Variants in ZNF394 observed in about 807,000 individuals in gnomAD.
ZNF394 encodes zinc finger protein 99.
In ZNF394, 19 loss-of-function variants were observed where a neutral mutation model predicts 21.8. That is an observed-to-expected ratio of 0.87 (90% CI 0.61 to 1.28). ZNF394 has a LOEUF of 1.28. ZNF394 is among the 50% of genes most tolerant of loss of function. The pLI, the probability that ZNF394 is intolerant of heterozygous loss-of-function variation, is 0.00. For synonymous variants in ZNF394, 294 were observed against 273.3 expected (o/e 1.08, Z -0.75); for missense variants, 683 against 708.6 (o/e 0.96, Z 0.41).
intron 2 of ZNF394, among the ~76,000 whole-genome samples, chr7:99,496,488 A>C (rs952397451): frequency 6.6e-6 from 1 of 152,160 alleles, no homozygotes; most frequent in African/African-American, 2.4e-5. Context: ...GCAGCAAGGC[A>C]GTGTGGCCAG....
chr7:99,490,811 G>C (rs543314435), downstream of ZNF394, among the ~76,000 whole-genome samples: 1 of 151,944 alleles, frequency 6.6e-6, no homozygotes. Context: ...CTCAGCCATA[G>C]AAAATGAACA....
Position 99,497,062 on chromosome 7 carries a change from GTATA to G in ZNF394, c.583+1650_583+1653del, listed in dbSNP as rs1284638502. 2.3e-4 allele frequency among the ~76,000 whole-genome samples: 33 copies of G among 140,724 alleles called. No individual in the cohort carries two copies. In the Admixed American group the frequency reaches 2.4e-3, roughly 10 times the overall value. 92.3% of individuals were successfully genotyped at this position (140,724 alleles called of 152,430 possible). Reference sequence around the variant, plus strand: ...AGTACCAAAGCCTATATATATATGTGTATATATATGTATATACATACATACGTGT... The same window carrying G: ...AGTACCAAAGCCTATATATATATGTGTATATGTATATACATACATACGTGT... On this transcript the variant is annotated intron_variant, in intron 2 of 2. Transcript: ENST00000337673.
chr7:99,497,425 C>G (rs1283107251), intron 2 of ZNF394, among the ~76,000 whole-genome samples: 1 of 151,588 alleles, frequency 6.6e-6, no homozygotes, highest in African/African-American at 2.4e-5. Context: ...CATGATCTGC[C>G]CGCCTCGGCC....
Position 99,500,216 on chromosome 7 carries a change from C to T in ZNF394, c.-123G>A. 3.4e-6 allele frequency: 3 copies of T among 870,654 alleles called. No individual in the cohort carries two copies. The highest frequency in any genetic ancestry group is 5.1e-6 in the Non-Finnish European group (3 of 588,512). 53.9% of individuals were successfully genotyped at this position (870,654 alleles called of 1,614,324 possible). A position where few individuals can be genotyped will look rare whatever the true frequency, so the allele number is the denominator to read the frequency against. On this transcript the variant is annotated 5_prime_UTR_variant, in exon 1 of 3. Transcript: ENST00000337673. Reference sequence around the variant, plus strand: ...AAACACCGGGCCCCACCACACCAGGCCCCTCTCCACACTCTCCTTTCCTCA... The same window carrying T: ...AAACACCGGGCCCCACCACACCAGGTCCCTCTCCACACTCTCCTTTCCTCA...
At chr7:99,487,283 A>T in intron 1 of ZNF394, 1 of 1,614,252 alleles carries the variant, frequency 6.2e-7, no homozygotes. Context: ...GATCTCATTC[A>T]GCATCAAAGA....
intron 1 of ZNF394, chr7:99,487,309 G>A: frequency 1.9e-6 from 3 of 1,614,234 alleles, no homozygotes; most frequent in East Asian, 4.5e-5. Flanking sequence ...TACAAAGGAG[G>A]AATTCTTTCA....
In ZNF394 at chr7:99,498,721, G is replaced by A. The variant is rs367965891; in HGVS notation, c.578C>T (p.Pro193Leu). Residue 193 changes from proline to leucine, a missense_variant, in exon 2 of 3, where the codon CCG becomes CTG. Transcript: ENST00000337673. ...AGCAGAGCAACAGCACTCACTCGGCGGAACTGTGCTCCCGGAATCCTTCTG... is the reference window on the plus strand; with the variant it reads ...AGCAGAGCAACAGCACTCACTCGGCAGAACTGTGCTCCCGGAATCCTTCTG... ...SAQKDSGSTV[P>L]PSLESRVENK... 3 of 1,613,830 alleles carry A rather than the reference G, an allele frequency of 1.9e-6. No individual in the cohort carries two copies. In the African/African-American group the frequency reaches 4.0e-5, roughly 22 times the overall value.
At chr7:99,497,460 G>A (rs1314629099) in intron 2 of ZNF394, among the ~76,000 whole-genome samples, 2 of 151,704 alleles carry the variant, frequency 1.3e-5, no homozygotes, top group African/African-American at 4.8e-5. Flanking sequence ...GATTACAGGC[G>A]TGAGCCACCG....
At chr7:99,498,561 G>A (rs1175311054) in intron 2 of ZNF394, 155 bp downstream of exon 2, 1 of 963,946 alleles carries the variant, frequency 1.0e-6, no homozygotes, top group Non-Finnish European at 1.5e-6. Context: ...GCTGAATCTA[G>A]CACCTAGCAG....
intron 2 of ZNF394, chr7:99,498,186 ATAGG>A (rs1286543845): frequency 1.3e-5 from 2 of 152,838 alleles, no homozygotes; most frequent in Non-Finnish European, 2.9e-5. Flanking sequence ...GGACCGTGAA[ATAGG>A]TAGAGCTCCA....
chr7:99,493,885 A>G lies in ZNF394; in HGVS notation c.1330T>C (p.Cys444Arg), dbSNP rs763665378. ...TGACAGGTTTCCCCGCATTCCTCAC[A>G]TTTAAAATGTTTGTCTCTACTGTGG... Reference protein sequence around the residue: ...STHSRDKHFKCEECGETCHIS... With the variant: ...STHSRDKHFKREECGETCHIS... The change falls in exon 3 of 3, where the codon TGT (cysteine) becomes CGT (arginine). Residue 444 changes from cysteine to arginine, a missense_variant. Cys to Arg is a radical substitution (Grantham distance 180). Coordinates refer to ENST00000337673, the MANE Select transcript of ZNF394 (RefSeq NM_032164.4). 6.2e-7 allele frequency: 1 copy of G among 1,614,226 alleles called. No individual in the cohort carries two copies. Among genetic ancestry groups the G allele is most frequent in the Non-Finnish European group, 8.5e-7 (1 of 1,180,046 alleles).
At chr7:99,487,193 T>A (rs1286710070) in intron 1 of ZNF394, 1 of 1,614,066 alleles carries the variant, frequency 6.2e-7, no homozygotes, top group Non-Finnish European at 8.5e-7. Context: ...CATTCAACCC[T>A]TCTATGTCAT....
chr7:99,491,372 T>C (rs1157462314), downstream of ZNF394, among the ~76,000 whole-genome samples: 1 of 152,188 alleles, frequency 6.6e-6, no homozygotes, highest in African/African-American at 2.4e-5. Context: ...AGAGCATCTT[T>C]TCTTATCATA....
chr7:99,500,266 T>C lies in ZNF394; in HGVS notation c.-173A>G. The C allele has an allele frequency of 1.7e-6, 1 of 586,396 alleles. No homozygotes were observed. The highest frequency in any genetic ancestry group is 3.0e-5 in the South Asian group (1 of 33,748). The allele number at this position is 586,396 out of a possible 1,614,324, so 36.3% of individuals were successfully genotyped here. Reference sequence around the variant, plus strand: ...AGCTTTGCGCCTACAACTCTCTCGGTCAAACAACCGAAAACATCCCGTGCC... The same window carrying C: ...AGCTTTGCGCCTACAACTCTCTCGGCCAAACAACCGAAAACATCCCGTGCC... On this transcript the variant is annotated 5_prime_UTR_variant, in exon 1 of 3. Transcript: ENST00000337673.
Position 99,498,860 on chromosome 7 carries a change from C to G in ZNF394, c.457-18G>C. 6.2e-7 allele frequency: 1 copy of G among 1,607,188 alleles called. No homozygotes were observed. Among genetic ancestry groups the G allele is most frequent in the South Asian group, 1.1e-5 (1 of 90,154 alleles). On this transcript the variant is annotated intron_variant, in intron 1 of 2. Transcript: ENST00000337673. ...ACCATCCCCTGGAACAACACAAGAG[C>G]CCCATTCAGTACCTGCTGTCCCTGT...
chr7:99,486,536 T>C, exon 2 of ZNF394: 2 of 1,614,084 alleles, frequency 1.2e-6, no homozygotes, highest in Non-Finnish European at 1.7e-6. Flanking sequence ...TCTGAAGATT[T>C]AGAGTCATAT....
chr7:99,497,068 A>G (rs1353857662), intron 2 of ZNF394, among the ~76,000 whole-genome samples: 2 of 145,124 alleles, frequency 1.4e-5, no homozygotes, highest in South Asian at 2.2e-4. Flanking sequence ...ATGTGTATAT[A>G]TATGTATATA....
chr7:99,495,720 A>G (rs991178351), intron 2 of ZNF394, among the ~76,000 whole-genome samples: 2 of 151,990 alleles, frequency 1.3e-5, no homozygotes, highest in Admixed American at 1.3e-4. Flanking sequence ...CCCCAGGTTC[A>G]AGCAATTCCC....
rs779009136 is a variant in ZNF394 at position 99,494,053 on chromosome 7, AGCC to A, written c.1159_1161del (p.Gly387del). On this transcript the variant is annotated inframe_deletion, in exon 3 of 3. Coordinates refer to ENST00000337673, the MANE Select transcript of ZNF394 (RefSeq NM_032164.4). Reference sequence around the variant, plus strand: ...CTGAAGCTTTTCCCACATTCTTGGCAGCCATAGGGTTTCTCACCTGTGTGGATT... The same window carrying A: ...CTGAAGCTTTTCCCACATTCTTGGCAATAGGGTTTCTCACCTGTGTGGATT... 1.2e-6 allele frequency: 2 copies of A among 1,614,120 alleles called. No homozygotes were observed. Among genetic ancestry groups the A allele is most frequent in the South Asian group, 2.2e-5 (2 of 91,088 alleles).
Sources: gnomAD v4.1 joint callset for allele counts (sites outside exome capture counted in the v4.1 genomes callset) on GRCh38, gnomAD v4.1.1 for gene constraint, MANE v1.5 for transcripts, NCBI Gene and HGNC (gene_info 2026-07-23, HGNC 2026-07-21) for gene names.